Variants in BCAR3 observed in about 807,000 individuals in gnomAD.
The protein encoded by BCAR3 is breast cancer anti-estrogen resistance protein 3.
Under a neutral mutation model 80.1 loss-of-function variants are expected in BCAR3, and 37 were observed. The observed-to-expected ratio is 0.46, with a 90% CI of 0.36 to 0.61. The LOEUF (loss-of-function observed/expected upper bound fraction) is 0.61. BCAR3 is among the 20% of genes least tolerant of loss of function. The pLI, the probability that BCAR3 is intolerant of heterozygous loss-of-function variation, is 0.00. For missense variants in BCAR3, 978 were observed against 1,068.2 expected, an observed-to-expected ratio of 0.92 and a Z score of 1.18; for synonymous variants, 389 against 418.9, an observed-to-expected ratio of 0.93 and a Z score of 0.87.
At chr1:93,797,145 T>C (rs891603229) in intron 2 of BCAR3, among the ~76,000 whole-genome samples, 3 of 152,230 alleles carry the variant, frequency 2.0e-5, no homozygotes, top group African/African-American at 7.2e-5. Context: ...GCATGGTCAA[T>C]AACCTTGTTG....
chr1:93,787,536 T>A (rs1036173645), intron 2 of BCAR3, among the ~76,000 whole-genome samples: 4 of 152,204 alleles, frequency 2.6e-5, no homozygotes, highest in Non-Finnish European at 4.4e-5. Context: ...GCTCAAAAAA[T>A]TTTTTAATTT....
chr1:93,566,545 G>A (rs1019488258), intron 11 of BCAR3, among the ~76,000 whole-genome samples: 13 of 152,078 alleles, frequency 8.5e-5, no homozygotes, highest in Admixed American at 3.9e-4. Context: ...AGAAAAATCC[G>A]TTTACGCAAC....
chr1:93,847,672 C>G (rs962066712), upstream of BCAR3: 1 of 152,536 alleles, frequency 6.6e-6, no homozygotes, highest in African/African-American at 2.4e-5. Flanking sequence ...GCTTTTTTCC[C>G]TCCCCCCTAC....
intron 2 of BCAR3, among the ~76,000 whole-genome samples, chr1:93,713,135 T>A (rs1366290684): frequency 6.6e-6 from 1 of 152,262 alleles, no homozygotes; most frequent in East Asian, 1.9e-4. Flanking sequence ...AGAAATTGCA[T>A]GTTCAATTTT....
At chr1:93,615,779 CATCA>C (rs1675103876) in intron 3 of BCAR3, among the ~76,000 whole-genome samples, 1 of 152,174 alleles carries the variant, frequency 6.6e-6, no homozygotes, top group South Asian at 2.1e-4. Flanking sequence ...GAGCATGACT[CATCA>C]ATCAGGCCAT....
chr1:93,645,865 G>C (rs953496874), intron 2 of BCAR3, among the ~76,000 whole-genome samples: 1 of 151,294 alleles, frequency 6.6e-6, no homozygotes, highest in Non-Finnish European at 1.5e-5. Context: ...TTTTGCTATC[G>C]GATCTTCACC....
chr1:93,751,601 C>A (rs1223494759), intron 2 of BCAR3, among the ~76,000 whole-genome samples: 1 of 152,138 alleles, frequency 6.6e-6, no homozygotes, highest in African/African-American at 2.4e-5. Context: ...GCCCATCGGA[C>A]CTAGTTTTCT....
chr1:93,649,173 T>A (rs1258882434), intron 2 of BCAR3, among the ~76,000 whole-genome samples: 2 of 152,208 alleles, frequency 1.3e-5, no homozygotes, highest in Admixed American at 6.5e-5. Flanking sequence ...CCTAGTTTCC[T>A]TCTCTTCTGC....
chr1:93,700,982 G>A (rs986354272), intron 3 of BCAR3, among the ~76,000 whole-genome samples: 2 of 152,256 alleles, frequency 1.3e-5, no homozygotes, highest in Non-Finnish European at 2.9e-5. Flanking sequence ...CAGATGGTGT[G>A]CTGTTAAAAG....
At chr1:93,562,958 C>T (rs922811797) in intron 11 of BCAR3, among the ~76,000 whole-genome samples, 5 of 152,018 alleles carry the variant, frequency 3.3e-5, no homozygotes, top group African/African-American at 1.2e-4. Context: ...CAGGTAAACT[C>T]ATTAAAAAAC....
At chr1:93,833,484 G>A (rs935697174) in intron 2 of BCAR3, among the ~76,000 whole-genome samples, 1 of 152,170 alleles carries the variant, frequency 6.6e-6, no homozygotes. Flanking sequence ...GCCTGGGAGC[G>A]CTGCAGGAGA....
chr1:93,630,420 T>C (rs980591763), intron 3 of BCAR3, among the ~76,000 whole-genome samples: 1 of 151,906 alleles, frequency 6.6e-6, no homozygotes, highest in Non-Finnish European at 1.5e-5. Flanking sequence ...GCTCACAAGT[T>C]TGAGACCAGC....
At chr1:93,695,571 A>C (rs572140535) in intron 3 of BCAR3, among the ~76,000 whole-genome samples, 11 of 152,188 alleles carry the variant, frequency 7.2e-5, no homozygotes, top group Non-Finnish European at 1.5e-4. Flanking sequence ...CAGCTCAGCC[A>C]GTTAAGCTGC....
At chr1:93,710,150 G>GTGGGAAGC (rs1369366856) in intron 2 of BCAR3, among the ~76,000 whole-genome samples, 2 of 152,184 alleles carry the variant, frequency 1.3e-5, no homozygotes, top group Admixed American at 6.5e-5. Context: ...TGGATAGGGG[G>GTGGGAAGC]TGGGAAGCTG....
intron 1 of BCAR3, chr1:93,846,975 C>CG (rs1438333848): frequency 2.8e-4 from 55 of 193,698 alleles, no homozygotes; most frequent in Non-Finnish European, 7.9e-5. Context: ...AGACGTCGCG[C>CG]GGCGGCGCTC....
chr1:93,846,427 G>C (rs925514542), intron 1 of BCAR3, among the ~76,000 whole-genome samples: 1 of 152,186 alleles, frequency 6.6e-6, no homozygotes, highest in Non-Finnish European at 1.5e-5. Context: ...GTTCGGTCTC[G>C]CCGCTGCAGT....
chr1:93,567,700 C>T, intron 10 of BCAR3, 40 bp downstream of exon 10: 2 of 1,571,306 alleles, frequency 1.3e-6, no homozygotes, highest in Non-Finnish European at 1.8e-6. Flanking sequence ...CTCCACTCCC[C>T]AGCGGGGTAG....
chr1:93,690,949 T>C (rs188247213), intron 3 of BCAR3, among the ~76,000 whole-genome samples: 2 of 152,280 alleles, frequency 1.3e-5, no homozygotes, highest in East Asian at 1.9e-4. Context: ...ACTGAAAAAG[T>C]AGAAAATGCT....
chr1:93,652,423 C>T (rs1676352998), intron 2 of BCAR3, among the ~76,000 whole-genome samples: 1 of 152,158 alleles, frequency 6.6e-6, no homozygotes. Context: ...TCGCTGCTAA[C>T]CAAAAAGAAG....
Sources: gnomAD v4.1 joint callset for allele counts (sites outside exome capture counted in the v4.1 genomes callset) on GRCh38, gnomAD v4.1.1 for gene constraint, MANE v1.5 for transcripts, NCBI Gene and HGNC (gene_info 2026-07-23, HGNC 2026-07-21) for gene names.